The following MYEF2 variants were observed in gnomAD, a reference collection of about 807,000 sequenced individuals.
MYEF2 encodes the protein myelin gene expression factor 2.
A neutral mutation model predicts 75.2 loss-of-function variants in MYEF2; 37 were observed. The ratio of observed to expected loss-of-function variants is 0.49; its 90% CI spans 0.38 to 0.65. The LOEUF is 0.65. Among genes scored for constraint, MYEF2 ranks in the 30% least tolerant of loss-of-function variants. The pLI is 0.00. For missense variants in MYEF2, 634 were observed against 771.4 expected (o/e 0.82, Z 2.11); for synonymous variants, 195 against 241.6 (o/e 0.81, Z 1.79).
At chr15:48,155,402 G>GA (rs1361257859) in intron 9 of MYEF2, among the ~76,000 whole-genome samples, 1 of 151,918 alleles carries the variant, frequency 6.6e-6, no homozygotes. Context: ...GTAAAAACAA[G>GA]AAAAAGTAGA....
At chr15:48,155,755 A>G (rs1392202065) in intron 9 of MYEF2, among the ~76,000 whole-genome samples, 6 of 146,118 alleles carry the variant, frequency 4.1e-5, no homozygotes, top group African/African-American at 1.5e-4. Context: ...ACATGGCTCA[A>G]TAAGAAATCA....
chr15:48,167,697 A>T (rs1430157116), intron 2 of MYEF2, among the ~76,000 whole-genome samples: 1 of 152,156 alleles, frequency 6.6e-6, no homozygotes, highest in Non-Finnish European at 1.5e-5. Flanking sequence ...TATACATACA[A>T]ATGGTCCCTT....
rs2039021622 is a variant in MYEF2, at chr15:48,140,258, C to A, written c.*2650G>T. ...GATAAATATTAGTGTTATTTATGCA[C>A]ATATGAATTCTAGCAAAGCCAGTAA... On this transcript the variant is annotated 3_prime_UTR_variant, in exon 17 of 17. Transcript: ENST00000324324. 6.6e-6 allele frequency: 1 copy of A among 151,782 alleles called. No individual in the cohort carries two copies. The highest frequency in any genetic ancestry group is 1.5e-5 in the Non-Finnish European group (1 of 67,944). The allele number at this position is 151,782 out of a possible 1,614,324, so 9.4% of individuals were successfully genotyped here.
chr15:48,137,049 CT>C lies in MYEF2; in HGVS notation c.*5858del. 1 of 1,398,092 alleles carries C rather than the reference CT, an allele frequency of 7.2e-7. No individual in the cohort carries two copies. Among genetic ancestry groups the C allele is most frequent in the Non-Finnish European group, 9.6e-7 (1 of 1,041,014 alleles). The allele number at this position is 1,398,092 out of a possible 1,614,324, so 86.6% of individuals were successfully genotyped here. A position where few individuals can be genotyped will look rare whatever the true frequency, so the allele number is the denominator to read the frequency against. ...ATTTCAATTCAGCAAGTATTGTGTGCTTTTTATGTAAAAAAGACTGTGAAGA... is the reference window on the plus strand; with the variant it reads ...ATTTCAATTCAGCAAGTATTGTGTGCTTTTATGTAAAAAAGACTGTGAAGA... On this transcript the variant is annotated 3_prime_UTR_variant, in exon 17 of 17. Coordinates refer to ENST00000324324, the MANE Select transcript of MYEF2 (RefSeq NM_016132.5).
intron 5 of MYEF2, among the ~76,000 whole-genome samples, chr15:48,164,889 G>A (rs569823273): frequency 2.0e-5 from 3 of 152,214 alleles, no homozygotes; most frequent in Admixed American, 6.5e-5. Flanking sequence ...TAGTATAAAC[G>A]TAACTTTTAT....
intron 6 of MYEF2, 52 bp downstream of exon 6, chr15:48,159,561 C>T: frequency 6.8e-7 from 1 of 1,478,500 alleles, no homozygotes; most frequent in Non-Finnish European, 9.3e-7. Flanking sequence ...TTCATTTAAT[C>T]AAATTAGCTA....
intron 1 of MYEF2, among the ~76,000 whole-genome samples, chr15:48,172,454 A>G (rs990078379): frequency 2.0e-5 from 3 of 151,874 alleles, no homozygotes; most frequent in Non-Finnish European, 4.4e-5. Flanking sequence ...CACCTCAAGG[A>G]ACTAGAAAAA....
chr15:48,135,241 A>C lies in MYEF2; in HGVS notation c.*7667T>G. On this transcript the variant is annotated 3_prime_UTR_variant, in exon 17 of 17. Coordinates refer to ENST00000324324, the MANE Select transcript of MYEF2 (RefSeq NM_016132.5). Reference sequence around the variant, plus strand: ...GAGACCACCACTTTTCCTTCTCCCCACTGGCTGCCTATTCAGAAAGTTTCC... The same window carrying C: ...GAGACCACCACTTTTCCTTCTCCCCCCTGGCTGCCTATTCAGAAAGTTTCC... 3.3e-6 allele frequency: 1 copy of C among 301,020 alleles called. No individual in the cohort carries two copies. Among genetic ancestry groups the C allele is most frequent in the South Asian group, 6.0e-5 (1 of 16,806 alleles). 18.6% of individuals were successfully genotyped at this position (301,020 alleles called of 1,614,324 possible).
chr15:48,156,597 A>T (rs749596653), intron 9 of MYEF2, among the ~76,000 whole-genome samples: 1 of 152,000 alleles, frequency 6.6e-6, no homozygotes, highest in East Asian at 1.9e-4. Context: ...CATAATTTCT[A>T]GCAAATATAA....
At chr15:48,168,540 G>C in intron 2 of MYEF2, 91 bp downstream of exon 2, 13 of 995,436 alleles carry the variant, frequency 1.3e-5, no homozygotes, top group Non-Finnish European at 1.8e-5. Flanking sequence ...TTTTGAGTCT[G>C]TGTGGCTCAG....
chr15:48,171,901 A>C (rs2040354979), intron 1 of MYEF2, among the ~76,000 whole-genome samples: 1 of 152,210 alleles, frequency 6.6e-6, no homozygotes, highest in African/African-American at 2.4e-5. Flanking sequence ...TAAAAATGTT[A>C]TCTATTCTTA....
chr15:48,154,097 T>C, intron 9 of MYEF2: 2 of 469,404 alleles, frequency 4.3e-6, no homozygotes, highest in East Asian at 3.4e-5. Context: ...GAGAAGTGTT[T>C]TATGAAATAA....
At chr15:48,161,918 A>G (rs1194156297) in intron 5 of MYEF2, among the ~76,000 whole-genome samples, 1 of 150,336 alleles carries the variant, frequency 6.7e-6, no homozygotes, top group East Asian at 2.0e-4. Flanking sequence ...TCCTCAAAAT[A>G]ATCATTCTGA....
chr15:48,140,977 T>A lies in MYEF2; in HGVS notation c.*1931A>T. ...AATATGTTGCTAGCTAAAAAACTAA[T>A]AAGCAAGCACATATTGGCTCTGAAT... is the stretch of plus-strand genomic sequence containing the variant. On this transcript the variant is annotated 3_prime_UTR_variant, in exon 17 of 17. Coordinates refer to ENST00000324324, the MANE Select transcript of MYEF2 (RefSeq NM_016132.5). 1 of 612,726 alleles carries A rather than the reference T, an allele frequency of 1.6e-6. No homozygotes were observed. Among genetic ancestry groups the A allele is most frequent in the Non-Finnish European group, 2.8e-6 (1 of 363,390 alleles). The allele number at this position is 612,726 out of a possible 1,614,324, so 38.0% of individuals were successfully genotyped here. A position where few individuals can be genotyped will look rare whatever the true frequency, so the allele number is the denominator to read the frequency against.
rs1028560716 is a variant in MYEF2, at chr15:48,139,912, T to C, written c.*2996A>G. On this transcript the variant is annotated 3_prime_UTR_variant, in exon 17 of 17. Coordinates refer to ENST00000324324, the MANE Select transcript of MYEF2 (RefSeq NM_016132.5). ...GTAAGGTTTTACATATTATCTATGA[T>C]TGTTTTCACACTACATTGGCAAAGC... 2 of 152,118 alleles carry C rather than the reference T, an allele frequency of 1.3e-5. No homozygotes were observed. The highest frequency in any genetic ancestry group is 2.4e-5 in the African/African-American group (1 of 41,442). The allele number at this position is 152,118 out of a possible 1,614,324, so 9.4% of individuals were successfully genotyped here.
Position 48,139,074 on chromosome 15 carries a change from G to A in MYEF2, c.*3834C>T, listed in dbSNP as rs1291005167. 1 of 1,612,844 alleles carries A rather than the reference G, an allele frequency of 6.2e-7. No individual in the cohort carries two copies. The highest frequency in any genetic ancestry group is 1.3e-5 in the African/African-American group (1 of 74,858). On this transcript the variant is annotated 3_prime_UTR_variant, in exon 17 of 17. Transcript: ENST00000324324. ...CTTTTTCTAACCACACCAGATTGTA[G>A]AAAAAAGTTTTGGAAAAACTACTTT...
At position 48,140,901 on chromosome 15, in the gene MYEF2, G is replaced by T. The variant is rs1013908881; in HGVS notation, c.*2007C>A. On this transcript the variant is annotated 3_prime_UTR_variant, in exon 17 of 17. Coordinates refer to ENST00000324324, the MANE Select transcript of MYEF2 (RefSeq NM_016132.5). Reference sequence around the variant, plus strand: ...TTAGCTGTTACGTATCTTTAGATATGTCATTAAAAATCTGTGCTACCTGGG... The same window carrying T: ...TTAGCTGTTACGTATCTTTAGATATTTCATTAAAAATCTGTGCTACCTGGG... 5.2e-5 allele frequency: 23 copies of T among 438,466 alleles called. No individual in the cohort carries two copies. Among genetic ancestry groups the T allele is most frequent in the Admixed American group, 1.5e-4 (4 of 26,702 alleles). 27.2% of individuals were successfully genotyped at this position (438,466 alleles called of 1,614,324 possible). A position where few individuals can be genotyped will look rare whatever the true frequency, so the allele number is the denominator to read the frequency against.
At position 48,137,227 on chromosome 15, in the gene MYEF2, G is replaced by A. The variant is rs1275576095; in HGVS notation, c.*5681C>T. 1 of 367,254 alleles carries A rather than the reference G, an allele frequency of 2.7e-6. No homozygotes were observed. Among genetic ancestry groups the A allele is most frequent in the Non-Finnish European group, 4.9e-6 (1 of 204,534 alleles). The allele number at this position is 367,254 out of a possible 1,614,324, so 22.7% of individuals were successfully genotyped here. ...CAAATGGGACAGATTGCCAAAATGT[G>A]GTGAGGACAGATAGGAGATTTTCAC... On this transcript the variant is annotated 3_prime_UTR_variant, in exon 17 of 17. Transcript: ENST00000324324.
At chr15:48,148,376 G>A (rs1314407927) in intron 16 of MYEF2, among the ~76,000 whole-genome samples, 1 of 152,000 alleles carries the variant, frequency 6.6e-6, no homozygotes, top group Non-Finnish European at 1.5e-5. Flanking sequence ...TTTTAAAAGT[G>A]ATAAACCACC....
Sources: gnomAD v4.1 joint callset for allele counts (sites outside exome capture counted in the v4.1 genomes callset) on GRCh38, gnomAD v4.1.1 for gene constraint, MANE v1.5 for transcripts, NCBI Gene and HGNC (gene_info 2026-07-23, HGNC 2026-07-21) for gene names.